Variants in EYS observed in about 807,000 individuals in gnomAD.
The protein encoded by EYS is protein eyes shut homolog.
EYS carries 250 observed loss-of-function variants against 282.1 expected under a neutral mutation model. That is an observed-to-expected ratio of 0.89 (90% confidence interval 0.80 to 0.98). The LOEUF (loss-of-function observed/expected upper bound fraction) is 0.98. Ranked by LOEUF, EYS falls within the 50% of genes least tolerant of loss-of-function variation. The probability of loss-of-function intolerance (pLI) is 0.00; values close to 1 mark genes in which losing one functional copy is unlikely to be tolerated. For synonymous variants in EYS, 1,355 were observed against 1,282.9 expected (o/e 1.06, Z -1.20); for missense variants, 4,016 against 3,709.0 (o/e 1.08, Z -2.15).
At chr6:64,324,906 C>A (rs1000216803) in intron 29 of EYS, among the ~76,000 whole-genome samples, 1 of 152,060 alleles carries the variant, frequency 6.6e-6, no homozygotes. Flanking sequence ...TACAGCTAAC[C>A]AAATAGGTGA....
At chr6:64,239,209 A>T (rs1766710988) in intron 30 of EYS, among the ~76,000 whole-genome samples, 1 of 152,224 alleles carries the variant, frequency 6.6e-6, no homozygotes, top group Admixed American at 6.5e-5. Flanking sequence ...TGCTGCAATA[A>T]ACATACATGT....
chr6:65,259,154 A>ATTGAAGTAAGTTGAGACT (rs1361063833), intron 12 of EYS, among the ~76,000 whole-genome samples: 1 of 152,102 alleles, frequency 6.6e-6, no homozygotes. Flanking sequence ...ACATATACCT[A>ATTGAAGTAAGTTGAGACT]TTGAAGTAAG....
At chr6:65,218,480 AACAAAACATGAGTAGAGATG>A (rs1367641066) in intron 12 of EYS, among the ~76,000 whole-genome samples, 1 of 152,128 alleles carries the variant, frequency 6.6e-6, no homozygotes, top group Non-Finnish European at 1.5e-5. Flanking sequence ...GCAAAACAAA[AACAAAACATGAGTAGAGATG>A]ACAATGTACC....
intron 29 of EYS, among the ~76,000 whole-genome samples, chr6:64,345,793 A>G (rs1771362091): frequency 6.6e-6 from 1 of 152,132 alleles, no homozygotes; most frequent in Non-Finnish European, 1.5e-5. Flanking sequence ...AATTTTCGCA[A>G]CCTACTTCTC....
chr6:65,034,624 T>C (rs961932154), intron 13 of EYS, among the ~76,000 whole-genome samples: 6 of 152,148 alleles, frequency 3.9e-5, no homozygotes, highest in Non-Finnish European at 7.4e-5. Flanking sequence ...CACCTTCAAG[T>C]TCTTCCATAA....
At chr6:64,716,062 G>C (rs1468155416) in intron 22 of EYS, among the ~76,000 whole-genome samples, 1 of 152,232 alleles carries the variant, frequency 6.6e-6, no homozygotes, top group Non-Finnish European at 1.5e-5. Flanking sequence ...TGCATGAAGA[G>C]ACGTGTGAGT....
At chr6:65,465,080 T>C (rs1764953007) in intron 5 of EYS, among the ~76,000 whole-genome samples, 1 of 152,188 alleles carries the variant, frequency 6.6e-6, no homozygotes, top group South Asian at 2.1e-4. Flanking sequence ...TCTACTGCGT[T>C]AATAAGAAAA....
intron 8 of EYS, among the ~76,000 whole-genome samples, chr6:65,368,608 T>C (rs551830758): frequency 6.6e-5 from 10 of 151,886 alleles, no homozygotes; most frequent in African/African-American, 2.4e-4. Flanking sequence ...GAAAAAATTC[T>C]TCCAAGTAAA....
intron 13 of EYS, among the ~76,000 whole-genome samples, chr6:65,046,937 T>C (rs952924892): frequency 1.3e-5 from 2 of 151,780 alleles, no homozygotes; most frequent in African/African-American, 4.8e-5. Flanking sequence ...TTTAAAAGTG[T>C]ATGGCACCTT....
At chr6:65,490,540 T>C (rs1765999941) in intron 5 of EYS, 54 bp downstream of exon 5, 1 of 926,752 alleles carries the variant, frequency 1.1e-6, no homozygotes, top group African/African-American at 1.6e-5. Context: ...TTGAAATACA[T>C]AGATAAAATT....
At chr6:65,639,410 T>A (rs1425229436) in intron 2 of EYS, among the ~76,000 whole-genome samples, 1 of 152,096 alleles carries the variant, frequency 6.6e-6, no homozygotes, top group African/African-American at 2.4e-5. Context: ...AAAAAAATTA[T>A]TCAATCCTTT....
At chr6:64,850,295 T>C (rs528401844) in intron 19 of EYS, among the ~76,000 whole-genome samples, 13 of 152,176 alleles carry the variant, frequency 8.5e-5, no homozygotes, top group African/African-American at 2.9e-4. Context: ...GCCTTTGAAG[T>C]CAAACAGATA....
chr6:63,884,416 GA>G (rs1300232355), intron 35 of EYS, among the ~76,000 whole-genome samples: 1 of 152,138 alleles, frequency 6.6e-6, no homozygotes, highest in Non-Finnish European at 1.5e-5. Context: ...CCTTGTGAGA[GA>G]GGGTATGTAC....
chr6:64,481,543 C>T (rs189405939), intron 26 of EYS, among the ~76,000 whole-genome samples: 38 of 151,214 alleles, frequency 2.5e-4, no homozygotes, highest in African/African-American at 8.7e-4. Flanking sequence ...CACATATATA[C>T]ATACTTAAAG....
At chr6:65,394,683 ATCCCAGG>A (rs1766205050) in intron 7 of EYS, among the ~76,000 whole-genome samples, 1 of 152,116 alleles carries the variant, frequency 6.6e-6, no homozygotes, top group African/African-American at 2.4e-5. Context: ...TACCTCAGAT[ATCCCAGG>A]AAGCCAGTGG....
rs546370591 is a variant in EYS at position 63,828,372 on chromosome 6, G to A, written c.7229-22000C>T. Among the ~76,000 whole-genome samples, 24 of 150,514 alleles carry A rather than the reference G, an allele frequency of 1.6e-4. No individual in the cohort carries two copies. The East Asian group carries it at 2.9e-3, about 18-fold the overall frequency. ...AGAGAAAAAATCCAAATAACCTCAC[G>A]AAGAAATGACTGACACCACTGAAAT... On this transcript the variant is annotated intron_variant, in intron 36 of 42. Transcript: ENST00000503581.
At chr6:64,897,793 G>A (rs947257688) in intron 18 of EYS, among the ~76,000 whole-genome samples, 8 of 152,166 alleles carry the variant, frequency 5.3e-5, no homozygotes, top group Non-Finnish European at 1.0e-4. Flanking sequence ...CACAGCACAA[G>A]AACTTTGTGA....
intron 30 of EYS, among the ~76,000 whole-genome samples, chr6:64,297,677 C>T (rs186990794): frequency 4.4e-4 from 67 of 152,144 alleles, no homozygotes; most frequent in Admixed American, 2.1e-3. Flanking sequence ...ACAAAACAGT[C>T]CTTTCAGAAG....
intron 5 of EYS, among the ~76,000 whole-genome samples, chr6:65,413,699 T>C (rs979416882): frequency 2.6e-5 from 4 of 151,744 alleles, no homozygotes; most frequent in Non-Finnish European, 4.4e-5. Flanking sequence ...TCTACTAAAA[T>C]ACAAAAATTA....
Sources: allele counts gnomAD v4.1 joint callset (sites outside exome capture counted in the v4.1 genomes callset), GRCh38; gene constraint gnomAD v4.1.1; transcripts MANE v1.5; gene names NCBI Gene and HGNC (gene_info 2026-07-23, HGNC 2026-07-21).